The following TTC28 variants were observed in gnomAD, a reference collection of about 807,000 sequenced individuals.
TTC28 encodes the protein tetratricopeptide repeat protein 28.
In TTC28, 61 loss-of-function variants were observed where a neutral mutation model predicts 198.0. The ratio of observed to expected loss-of-function variants is 0.31; its 90% CI spans 0.25 to 0.38. The LOEUF is 0.38. TTC28 is among the 10% of genes least tolerant of loss of function. The probability of loss-of-function intolerance (pLI) is 1.00; values close to 1 mark genes in which losing one functional copy is unlikely to be tolerated. For synonymous variants in TTC28, 1,171 were observed against 1,297.8 expected, an observed-to-expected ratio of 0.90 and a Z score of 2.10; for missense variants, 2,678 against 3,164.0, an observed-to-expected ratio of 0.85 and a Z score of 3.69.
intron 5 of TTC28, among the ~76,000 whole-genome samples, chr22:28,261,413 G>A (rs1215846438): frequency 1.3e-5 from 2 of 152,094 alleles, no homozygotes; most frequent in Admixed American, 1.3e-4. Context: ...GGTGGAAGTC[G>A]CAGGAGAGGA....
intron 6 of TTC28, among the ~76,000 whole-genome samples, chr22:28,154,495 C>T (rs911185300): frequency 6.6e-6 from 1 of 151,804 alleles, no homozygotes; most frequent in African/African-American, 2.4e-5. Context: ...GGACTACAGG[C>T]GCCTGCCGCC....
chr22:28,588,051 A>T (rs2050350358), intron 2 of TTC28, among the ~76,000 whole-genome samples: 1 of 151,762 alleles, frequency 6.6e-6, no homozygotes, highest in Admixed American at 6.6e-5. Flanking sequence ...CTGAGGCAGG[A>T]GAATGGCGTG....
intron 2 of TTC28, among the ~76,000 whole-genome samples, chr22:28,466,810 T>TATAC (rs1206194473): frequency 6.4e-4 from 76 of 117,860 alleles, no homozygotes; most frequent in East Asian, 2.1e-3. Flanking sequence ...TCTCACATTA[T>TATAC]ATACATACAT....
intron 13 of TTC28, among the ~76,000 whole-genome samples, chr22:28,020,544 T>C (rs1164796618): frequency 6.6e-6 from 1 of 152,094 alleles, no homozygotes; most frequent in Non-Finnish European, 1.5e-5. Flanking sequence ...GGCTCGTGAA[T>C]CTTCCCTCGC....
chr22:28,191,315 C>T (rs1924722197), intron 5 of TTC28, among the ~76,000 whole-genome samples: 1 of 152,238 alleles, frequency 6.6e-6, no homozygotes. Flanking sequence ...AGAAATTACA[C>T]AGTTCTTGCG....
chr22:28,152,636 C>G (rs986473797), intron 6 of TTC28, among the ~76,000 whole-genome samples: 4 of 152,194 alleles, frequency 2.6e-5, no homozygotes, highest in Non-Finnish European at 5.9e-5. Context: ...GGATACACTT[C>G]TATGTGAGGT....
intron 2 of TTC28, among the ~76,000 whole-genome samples, chr22:28,335,634 C>G (rs1247708609): frequency 6.6e-6 from 1 of 152,046 alleles, no homozygotes; most frequent in African/African-American, 2.4e-5. Flanking sequence ...ATTTGGCTCT[C>G]TGTTTGTCTG....
At chr22:28,333,020 A>C (rs1015537260) in intron 2 of TTC28, among the ~76,000 whole-genome samples, 2 of 152,158 alleles carry the variant, frequency 1.3e-5, no homozygotes, top group African/African-American at 4.8e-5. Context: ...CATGCATTTG[A>C]AATTCAAGTG....
At chr22:28,265,668 A>T (rs977518942) in intron 5 of TTC28, among the ~76,000 whole-genome samples, 1 of 152,184 alleles carries the variant, frequency 6.6e-6, no homozygotes, top group Non-Finnish European at 1.5e-5. Flanking sequence ...TTATACGCTT[A>T]AAATTCTTGG....
chr22:28,674,937 C>T (rs1422641859), intron 1 of TTC28, among the ~76,000 whole-genome samples: 1 of 151,838 alleles, frequency 6.6e-6, no homozygotes, highest in African/African-American at 2.4e-5. Context: ...CCAAAATAGC[C>T]AGTCTTGAAA....
rs115350082 is a variant in TTC28 at position 28,447,886 on chromosome 22, G to A, written c.382-141243C>T. On this transcript the variant is annotated intron_variant, in intron 2 of 22. Transcript: ENST00000397906. ...CTTGTTTCCCTGCTGTCTGGCTTTC[G>A]TTTAATAGGTACCACTCGACAGAGG... Among the ~76,000 whole-genome samples the A allele has an allele frequency of 7.9e-3, 1,197 of 152,122 alleles. 13 individuals are homozygous for A. Among genetic ancestry groups the A allele is most frequent in the African/African-American group, 0.027 (1,127 of 41,508 alleles).
rs962206001 is a variant in TTC28 at position 28,152,240 on chromosome 22, T to C, written c.1441+10852A>G. Among the ~76,000 whole-genome samples the C allele has an allele frequency of 1.1e-4, 16 of 152,344 alleles. No homozygotes were observed. In the East Asian group the frequency reaches 2.7e-3, roughly 26 times the overall value. On this transcript the variant is annotated intron_variant, in intron 6 of 22. Transcript: ENST00000397906. Reference sequence around the variant, plus strand: ...GGCCGCTCCCTCCTGGTGGTGCATATACTCCTCTAGGAATGCTTGCTGTCT... The same window carrying C: ...GGCCGCTCCCTCCTGGTGGTGCATACACTCCTCTAGGAATGCTTGCTGTCT...
intron 2 of TTC28, among the ~76,000 whole-genome samples, chr22:28,604,465 C>A (rs1182588393): frequency 6.6e-6 from 1 of 151,766 alleles, no homozygotes; most frequent in South Asian, 2.1e-4. Flanking sequence ...AAATGCTGGC[C>A]GGGCACAGTG....
chr22:28,651,055 T>C (rs1229910965), intron 1 of TTC28, among the ~76,000 whole-genome samples: 3 of 152,228 alleles, frequency 2.0e-5, no homozygotes, highest in African/African-American at 4.8e-5. Context: ...ACTCAGTAGC[T>C]GCAACATAGA....
At chr22:28,070,029 C>T (rs1940907861) in intron 12 of TTC28, among the ~76,000 whole-genome samples, 1 of 151,778 alleles carries the variant, frequency 6.6e-6, no homozygotes, top group East Asian at 1.9e-4. Context: ...ATTCTGTGTC[C>T]TCCTTTGGAA....
chr22:28,296,696 C>A (rs1441769826), intron 4 of TTC28, among the ~76,000 whole-genome samples: 1 of 152,110 alleles, frequency 6.6e-6, no homozygotes, highest in Non-Finnish European at 1.5e-5. Context: ...TCATTTGACT[C>A]CAAATCTACA....
intron 6 of TTC28, 47 bp from the exon 7 acceptor site, chr22:28,108,450 T>C (rs753215591): frequency 2.2e-6 from 3 of 1,375,048 alleles, no homozygotes; most frequent in Non-Finnish European, 2.8e-6. Flanking sequence ...ATAACTGATT[T>C]GCAATGTAGA....
intron 6 of TTC28, among the ~76,000 whole-genome samples, chr22:28,141,544 T>C (rs759350444): frequency 6.6e-6 from 1 of 152,146 alleles, no homozygotes; most frequent in Non-Finnish European, 1.5e-5. Flanking sequence ...TCTTTCATGA[T>C]CTGGGTGGTA....
At chr22:28,030,443 GC>G in intron 12 of TTC28, 77 bp from the exon 13 acceptor site, 2 of 1,517,686 alleles carry the variant, frequency 1.3e-6, no homozygotes, top group Non-Finnish European at 1.8e-6. Context: ...GAGGTCCTAT[GC>G]CATTCTGTCA....
Sources: gnomAD v4.1 joint callset for allele counts (sites outside exome capture counted in the v4.1 genomes callset) on GRCh38, gnomAD v4.1.1 for gene constraint, MANE v1.5 for transcripts, NCBI Gene and HGNC (gene_info 2026-07-23, HGNC 2026-07-21) for gene names.